Variants in VPS13B observed in about 807,000 individuals in gnomAD.
VPS13B encodes vacuolar protein sorting 13 homolog B.
VPS13B carries 285 observed loss-of-function variants against 426.4 expected under a neutral mutation model. The observed-to-expected ratio is 0.67, with a 90% CI of 0.61 to 0.74. The LOEUF is 0.74. Among genes scored for constraint, VPS13B ranks in the 30% least tolerant of loss-of-function variants. The pLI is 0.00. For missense variants in VPS13B, 4,537 were observed against 4,782.6 expected (o/e 0.95, Z 1.51); for synonymous variants, 1,676 against 1,676.4 (o/e 1.00, Z 0.01).
chr8:99,233,862 T>C (rs1382713823), intron 17 of VPS13B: 7 of 779,976 alleles, frequency 9.0e-6, no homozygotes, highest in African/African-American at 1.7e-5. Flanking sequence ...TCTTTCTGCA[T>C]GCTTTCAAGA....
chr8:99,416,979 C>T (rs1160219145), intron 21 of VPS13B, among the ~76,000 whole-genome samples: 1 of 152,160 alleles, frequency 6.6e-6, no homozygotes, highest in Non-Finnish European at 1.5e-5. Context: ...GTAAGCTCTT[C>T]TAGGGCAGGG....
rs142478316 is a variant in VPS13B, at chr8:99,202,952, C to T, written c.2515+9895C>T. ...TGGACGCTGAGGCAGGAGAATGGCG[C>T]GAACCCAGGAGGTGGAGCTTGCAGT... On this transcript the variant is annotated intron_variant, in intron 17 of 61. Transcript: ENST00000357162. Among the ~76,000 whole-genome samples the T allele has an allele frequency of 4.4e-3, 670 of 151,606 alleles. 8 individuals are homozygous for T. Among genetic ancestry groups the T allele is most frequent in the African/African-American group, 0.015 (609 of 41,336 alleles).
chr8:99,294,053 T>G (rs200620559), intron 19 of VPS13B, among the ~76,000 whole-genome samples: 3 of 110,860 alleles, frequency 2.7e-5, no homozygotes, highest in Admixed American at 8.5e-5. Flanking sequence ...TATACCCAAA[T>G]GACTATAAAT....
intron 54 of VPS13B, among the ~76,000 whole-genome samples, chr8:99,836,885 A>G (rs1246079306): frequency 6.6e-6 from 1 of 152,212 alleles, no homozygotes; most frequent in Non-Finnish European, 1.5e-5. Flanking sequence ...ACGGAGGGAG[A>G]AGTAGAAACT....
chr8:99,258,672 AAAATG>A (rs1413977384), intron 17 of VPS13B, among the ~76,000 whole-genome samples: 1 of 152,062 alleles, frequency 6.6e-6, no homozygotes, highest in African/African-American at 2.4e-5. Context: ...TTTGCCTCTA[AAAATG>A]TTGAAGGTAC....
chr8:99,838,659 A>T (rs1563501210), intron 54 of VPS13B, among the ~76,000 whole-genome samples: 1 of 152,200 alleles, frequency 6.6e-6, no homozygotes, highest in Non-Finnish European at 1.5e-5. Context: ...TGTGGAGGAG[A>T]TAGATAATAA....
chr8:99,480,302 C>T (rs192751232), intron 24 of VPS13B, among the ~76,000 whole-genome samples: 104 of 152,246 alleles, frequency 6.8e-4, no homozygotes, highest in Admixed American at 1.4e-3. Flanking sequence ...ACACAGTGTA[C>T]TCGTTGCCAT....
rs778980982 is a variant in VPS13B, at chr8:99,431,555, T to C, written c.3101T>C (p.Val1034Ala). Residue 1034 changes from valine to alanine, a missense_variant, in exon 22 of 62, where the codon GTT (valine) becomes GCT (alanine). Coordinates refer to ENST00000357162, the MANE Select transcript of VPS13B (RefSeq NM_152564.5). ...KTVTESRPLSVPVKAMLNISE... is the reference protein window; with the variant it reads ...KTVTESRPLSAPVKAMLNISE... ...TACTCAGAATCCCGCCCATTGTCAG[T>C]TCCTGTTAAAGCCATGTTGAATATA... The C allele has an allele frequency of 6.2e-7, 1 of 1,613,468 alleles. No homozygotes were observed. Among genetic ancestry groups the C allele is most frequent in the South Asian group, 1.1e-5 (1 of 91,062 alleles).
intron 19 of VPS13B, among the ~76,000 whole-genome samples, chr8:99,378,536 A>G (rs1012928918): frequency 2.0e-5 from 3 of 152,208 alleles, no homozygotes; most frequent in Admixed American, 2.0e-4. Context: ...TTCACAATTT[A>G]TGTTCAGAGA....
At chr8:99,194,016 C>T (rs751266479) in intron 17 of VPS13B, among the ~76,000 whole-genome samples, 14 of 151,990 alleles carry the variant, frequency 9.2e-5, no homozygotes, top group East Asian at 1.9e-4. Context: ...TAATTTTATA[C>T]GATATTTTTA....
intron 25 of VPS13B, among the ~76,000 whole-genome samples, chr8:99,482,655 A>T (rs1588425636): frequency 6.6e-6 from 1 of 152,336 alleles, no homozygotes; most frequent in East Asian, 1.9e-4. Flanking sequence ...TTTCAAACAC[A>T]ACACAGTTCA....
intron 43 of VPS13B, among the ~76,000 whole-genome samples, chr8:99,799,995 A>G (rs1813040317): frequency 6.6e-6 from 1 of 152,140 alleles, no homozygotes; most frequent in South Asian, 2.1e-4. Flanking sequence ...ATTTCCTTCT[A>G]ACATACTGTT....
At chr8:99,067,804 G>A (rs1173962290) in intron 3 of VPS13B, among the ~76,000 whole-genome samples, 1 of 152,122 alleles carries the variant, frequency 6.6e-6, no homozygotes, top group Non-Finnish European at 1.5e-5. Flanking sequence ...GTATTACTGA[G>A]AAAATTCTTT....
chr8:99,590,072 G>C (rs1826534879), intron 33 of VPS13B, among the ~76,000 whole-genome samples: 1 of 152,132 alleles, frequency 6.6e-6, no homozygotes, highest in African/African-American at 2.4e-5. Context: ...TTGGAAGAGT[G>C]TATAAGTCCA....
chr8:99,875,297 A>T, intron 61 of VPS13B, 121 bp from the exon 62 acceptor site: 2 of 1,352,104 alleles, frequency 1.5e-6, no homozygotes, highest in East Asian at 2.3e-5. Flanking sequence ...TTCTGGATTA[A>T]TGGCTTTAAT....
chr8:99,666,370 C>G (rs542807109), intron 35 of VPS13B, among the ~76,000 whole-genome samples: 3 of 152,214 alleles, frequency 2.0e-5, no homozygotes. Flanking sequence ...GAGAATTTTA[C>G]ACCAATATCC....
chr8:99,355,045 G>A lies in VPS13B; in HGVS notation c.2825-29163G>A, dbSNP rs72672382. On this transcript the variant is annotated intron_variant, in intron 19 of 61. Transcript: ENST00000357162. ...TTCTGTTAGAACAGACCTTCTGAAAGGGGGCAAGGAGTTTTAACTCCATTG... is the reference window on the plus strand; with the variant it reads ...TTCTGTTAGAACAGACCTTCTGAAAAGGGGCAAGGAGTTTTAACTCCATTG... Among the ~76,000 whole-genome samples, 1,348 of 152,290 alleles carry A rather than the reference G, an allele frequency of 8.9e-3. 18 individuals are homozygous for A. Among genetic ancestry groups the A allele is most frequent in the South Asian group, 0.067 (323 of 4,822 alleles).
At chr8:99,434,635 T>C (rs527412536) in intron 22 of VPS13B, among the ~76,000 whole-genome samples, 2 of 152,352 alleles carry the variant, frequency 1.3e-5, no homozygotes, top group African/African-American at 4.8e-5. Context: ...ATAAAAATAC[T>C]AGTTAATATA....
chr8:99,572,765 G>A (rs1370327600), intron 31 of VPS13B, among the ~76,000 whole-genome samples: 45 of 152,138 alleles, frequency 3.0e-4, no homozygotes, highest in Admixed American at 6.6e-5. Context: ...GTAAACATAC[G>A]TGTGCATGTG....
Sources: allele counts gnomAD v4.1 joint callset (sites outside exome capture counted in the v4.1 genomes callset), GRCh38; gene constraint gnomAD v4.1.1; transcripts MANE v1.5; gene names NCBI Gene and HGNC (gene_info 2026-07-23, HGNC 2026-07-21).